The following DPM1 variants were observed in gnomAD, a reference collection of about 807,000 sequenced individuals.
DPM1 encodes dolichyl-phosphate mannosyltransferase subunit 1, catalytic, also known as dolichol-phosphate mannosyltransferase subunit 1.
DPM1 carries 27 observed loss-of-function variants against 39.0 expected under a neutral mutation model. The observed-to-expected ratio is 0.69, with a 90% confidence interval of 0.51 to 0.95. The LOEUF (loss-of-function observed/expected upper bound fraction) is 0.95, where lower values mean the gene tolerates loss of function less well. Among genes scored for constraint, DPM1 ranks in the 40% least tolerant of loss-of-function variants. The pLI is 0.00. For missense variants in DPM1, 307 were observed against 315.6 expected (o/e 0.97, Z 0.21); for synonymous variants, 124 against 109.0 (o/e 1.14, Z -0.86).
intron 6 of DPM1, 116 bp downstream of exon 6, chr20:50,941,915 G>A (rs1200700085): frequency 3.4e-6 from 3 of 874,748 alleles, no homozygotes; most frequent in Admixed American, 1.8e-5. Flanking sequence ...AGTATTTACT[G>A]GAAGTTATAA....
In DPM1 at chr20:50,939,176, CCT is replaced by C. The variant is rs563934520; in HGVS notation, c.563+1687_563+1688del. Among the ~76,000 whole-genome samples, 143 of 152,204 alleles carry C rather than the reference CCT, an allele frequency of 9.4e-4. 6 individuals are homozygous for C. The South Asian group carries it at 0.029, about 31-fold the overall frequency. The stretch of plus-strand genomic sequence containing the variant: ...TGCAGCAAACCACCCTCACCCCATT[CCT>C]CTCCCTGCTGTGTTTTTCTTCACAG... On this transcript the variant is annotated intron_variant, in intron 7 of 8. Transcript: ENST00000371588.
chr20:50,935,313 A>C, intron 8 of DPM1, 77 bp from the exon 9 acceptor site: 1 of 879,830 alleles, frequency 1.1e-6, no homozygotes, highest in South Asian at 1.4e-5. Context: ...CATTACCAAC[A>C]CAACAGAAAT....
At chr20:50,942,889 A>G (rs56165102) in intron 5 of DPM1, among the ~76,000 whole-genome samples, 16,997 of 152,200 alleles carry the variant, frequency 0.11, 981 homozygotes, top group Middle Eastern at 0.16. Context: ...AACAATACAT[A>G]TCATGGGGTC....
intron 2 of DPM1, among the ~76,000 whole-genome samples, chr20:50,952,572 C>A (rs1986634432): frequency 1.3e-5 from 2 of 152,150 alleles, no homozygotes; most frequent in African/African-American, 4.8e-5. Flanking sequence ...TATGTACTCT[C>A]CTCCTGTTTT....
chr20:50,937,134 G>C (rs960219129), intron 7 of DPM1, among the ~76,000 whole-genome samples: 1 of 151,504 alleles, frequency 6.6e-6, no homozygotes. Context: ...GAGAAAGCAA[G>C]AAGAGGCAGT....
chr20:50,937,043 C>CT (rs75516205), intron 7 of DPM1, among the ~76,000 whole-genome samples: 17,731 of 140,384 alleles, frequency 0.13, 1,166 homozygotes, highest in African/African-American at 0.17. Context: ...CAGAGTCACA[C>CT]TTTTTTTTTT....
At chr20:50,939,289 C>G (rs1985497527) in intron 7 of DPM1, among the ~76,000 whole-genome samples, 1 of 152,174 alleles carries the variant, frequency 6.6e-6, no homozygotes, top group Admixed American at 6.5e-5. Flanking sequence ...CACACTGGCC[C>G]TTCCCGCTGT....
chr20:50,939,637 G>A (rs1199615627), intron 7 of DPM1, among the ~76,000 whole-genome samples: 2 of 149,184 alleles, frequency 1.3e-5, no homozygotes, highest in South Asian at 2.1e-4. Flanking sequence ...GCTTTTTTTT[G>A]ACAGTCTTCC....
At chr20:50,941,117 G>C in intron 6 of DPM1, 184 bp from the exon 7 acceptor site, 1 of 675,124 alleles carries the variant, frequency 1.5e-6, no homozygotes, top group Admixed American at 2.8e-5. Context: ...GGCTAGGCGC[G>C]GTGGCTCACA....
rs1985057887 is a variant in DPM1, at chr20:50,935,335, T to C, written c.679-99A>G. The C allele has an allele frequency of 5.2e-6, 4 of 771,546 alleles. No individual in the cohort carries two copies. In the Admixed American group the frequency reaches 8.2e-5, roughly 16 times the overall value. 47.8% of individuals were successfully genotyped at this position (771,546 alleles called of 1,614,324 possible). ...AACACAACAGAAATAGGATTAGTCC[T>C]ACAACAGAGGTCCTTAAAGTAAGTA... is the stretch of plus-strand genomic sequence containing the variant. On this transcript the variant is annotated intron_variant, in intron 8 of 8. Transcript: ENST00000371588.
chr20:50,935,748 C>G (rs751821019), intron 8 of DPM1, among the ~76,000 whole-genome samples: 12 of 152,192 alleles, frequency 7.9e-5, no homozygotes, highest in Non-Finnish European at 1.3e-4. Context: ...CAGATCACCA[C>G]CTCCTTGCTC....
chr20:50,945,592 C>G, intron 5 of DPM1, 145 bp downstream of exon 5: 1 of 816,880 alleles, frequency 1.2e-6, no homozygotes, highest in Non-Finnish European at 1.9e-6. Flanking sequence ...AACCCTCCTA[C>G]CCTGACTTCC....
intron 5 of DPM1, chr20:50,944,410 T>C (rs1393206639): frequency 6.6e-6 from 1 of 152,206 alleles, no homozygotes; most frequent in Non-Finnish European, 1.5e-5. Context: ...CTAAGGTGAC[T>C]TTACGCAGAG....
chr20:50,934,869 C>T (rs185088439), downstream of DPM1: 1 of 275,488 alleles, frequency 3.6e-6, no homozygotes, highest in African/African-American at 2.3e-5. Context: ...GGCAGCAATA[C>T]TTTATGCAAA....
chr20:50,939,120 A>ATCCC (rs1329904608), intron 7 of DPM1, among the ~76,000 whole-genome samples: 1 of 152,104 alleles, frequency 6.6e-6, no homozygotes. Flanking sequence ...TTCAACCCCC[A>ATCCC]TCCCCTCCAC....
chr20:50,937,637 ACT>A (rs1452651935), intron 7 of DPM1, among the ~76,000 whole-genome samples: 2 of 151,902 alleles, frequency 1.3e-5, no homozygotes, highest in Non-Finnish European at 2.9e-5. Flanking sequence ...ACAAGGTCTC[ACT>A]CTGTTGCCCA....
intron 4 of DPM1, 21 bp downstream of exon 4, chr20:50,945,826 A>C: frequency 6.2e-7 from 1 of 1,612,222 alleles, no homozygotes; most frequent in Non-Finnish European, 8.5e-7. Flanking sequence ...TAAATAGCTA[A>C]TAAAGAAACA....
chr20:50,940,319 C>T (rs1418170665), intron 7 of DPM1, among the ~76,000 whole-genome samples: 1 of 151,972 alleles, frequency 6.6e-6, no homozygotes, highest in African/African-American at 2.4e-5. Flanking sequence ...CAAGTTTTGT[C>T]ATTTGCCATG....
At position 50,940,292 on chromosome 20, in the gene DPM1, TA is replaced by T. The variant is rs373221228; in HGVS notation, c.563+572del. Reference sequence around the variant, plus strand: ...AGGGGCATTTTATAGTTTCAGAGATTAAAAAAAAAAATCTGGCAAGTTTTGT... The same window carrying T: ...AGGGGCATTTTATAGTTTCAGAGATTAAAAAAAAAATCTGGCAAGTTTTGT... On this transcript the variant is annotated intron_variant, in intron 7 of 8. Transcript: ENST00000371588. Among the ~76,000 whole-genome samples the T allele has an allele frequency of 4.0e-3, 593 of 147,136 alleles. 1 individual carries two copies. The highest frequency in any genetic ancestry group is 7.9e-3 in the African/African-American group (320 of 40,408).
Sources: gnomAD v4.1 joint callset for allele counts (sites outside exome capture counted in the v4.1 genomes callset) on GRCh38, gnomAD v4.1.1 for gene constraint, MANE v1.5 for transcripts, NCBI Gene and HGNC (gene_info 2026-07-23, HGNC 2026-07-21) for gene names.